Variants in EPB41 observed in about 807,000 individuals in gnomAD.
EPB41 encodes protein 4.1.
EPB41 carries 65 observed loss-of-function variants against 108.0 expected under a neutral mutation model. The ratio of observed to expected loss-of-function variants is 0.60; its 90% CI spans 0.49 to 0.74. The LOEUF (loss-of-function observed/expected upper bound fraction) is 0.74. Ranked by LOEUF, EPB41 falls within the 30% of genes least tolerant of loss-of-function variation. The probability of loss-of-function intolerance (pLI) is 0.00; values close to 1 mark genes in which losing one functional copy is unlikely to be tolerated. For synonymous variants in EPB41, 336 were observed against 358.9 expected, an observed-to-expected ratio of 0.94 and a Z score of 0.72; for missense variants, 875 against 1,037.0, an observed-to-expected ratio of 0.84 and a Z score of 2.15.
chr1:28,964,736 G>C (rs1376476802), intron 1 of EPB41, among the ~76,000 whole-genome samples: 1 of 152,094 alleles, frequency 6.6e-6, no homozygotes, highest in Non-Finnish European at 1.5e-5. Flanking sequence ...CCCTTGCCTG[G>C]TCTCAACCCA....
At chr1:29,011,791 G>A (rs369538300) in intron 4 of EPB41, 74 bp from the exon 5 acceptor site, 4 of 1,513,310 alleles carry the variant, frequency 2.6e-6, no homozygotes, top group Admixed American at 3.6e-5. Context: ...AAGATAGTCA[G>A]TGATCTTGCT....
chr1:29,037,291 A>G (rs1231622152), intron 10 of EPB41, among the ~76,000 whole-genome samples: 5 of 151,756 alleles, frequency 3.3e-5, no homozygotes, highest in Non-Finnish European at 7.4e-5. Flanking sequence ...TACGTTGACC[A>G]GGCTGGTCTC....
chr1:28,937,346 A>C (rs1463173698), intron 1 of EPB41, among the ~76,000 whole-genome samples: 1 of 152,174 alleles, frequency 6.6e-6, no homozygotes, highest in Non-Finnish European at 1.5e-5. Flanking sequence ...CCTGTTGTTT[A>C]GGCTGTATTT....
At chr1:29,017,565 A>G (rs995443931) in intron 6 of EPB41, among the ~76,000 whole-genome samples, 1 of 152,270 alleles carries the variant, frequency 6.6e-6, no homozygotes, top group Non-Finnish European at 1.5e-5. Context: ...TAGTCTTACA[A>G]GGTGGCTAAT....
At chr1:28,891,531 TGAGGAC>T (rs2090116517) in intron 1 of EPB41, among the ~76,000 whole-genome samples, 1 of 152,214 alleles carries the variant, frequency 6.6e-6, no homozygotes, top group Non-Finnish European at 1.5e-5. Flanking sequence ...GTGGCACCCC[TGAGGAC>T]ACACGAGAGT....
intron 17 of EPB41, among the ~76,000 whole-genome samples, chr1:29,106,001 C>T (rs1020608032): frequency 2.0e-5 from 3 of 151,872 alleles, no homozygotes; most frequent in Non-Finnish European, 2.9e-5. Context: ...CCACCTGCCT[C>T]GGCCTCCCAC....
chr1:28,963,344 CGTGTGTGTGTGT>C (rs57558766), intron 1 of EPB41, among the ~76,000 whole-genome samples: 272 of 146,322 alleles, frequency 1.9e-3, no homozygotes, highest in African/African-American at 6.5e-3. Context: ...AAATCAGAAT[CGTGTGTGTGTGT>C]GTGTGTGTGT....
chr1:28,912,653 G>T (rs1477915507), upstream of EPB41, among the ~76,000 whole-genome samples: 2 of 150,582 alleles, frequency 1.3e-5, no homozygotes, highest in African/African-American at 4.9e-5. Flanking sequence ...TCTTGCTCTT[G>T]TCACCCAACC....
intron 16 of EPB41, among the ~76,000 whole-genome samples, chr1:29,067,226 G>A (rs531592300): frequency 5.3e-5 from 8 of 151,372 alleles, no homozygotes; most frequent in South Asian, 4.2e-4. Context: ...GGCCAGGCAC[G>A]GTGGCTCACG....
At chr1:28,898,794 C>T (rs2090983404) in intron 1 of EPB41, among the ~76,000 whole-genome samples, 1 of 152,262 alleles carries the variant, frequency 6.6e-6, no homozygotes, top group Non-Finnish European at 1.5e-5. Context: ...GGGCACTCTC[C>T]CACCCCCTGC....
At chr1:28,899,842 T>G (rs1484756695) in intron 1 of EPB41, among the ~76,000 whole-genome samples, 1 of 152,180 alleles carries the variant, frequency 6.6e-6, no homozygotes. Context: ...GGATTAAAAG[T>G]AGGGATTTGT....
chr1:29,113,896 T>C (rs1162923209), intron 19 of EPB41, among the ~76,000 whole-genome samples: 5 of 152,024 alleles, frequency 3.3e-5, no homozygotes, highest in African/African-American at 1.2e-4. Context: ...AGAAGCAGTG[T>C]GGAGCAGCAG....
At chr1:29,023,457 GCA>G (rs2096673023) in intron 7 of EPB41, among the ~76,000 whole-genome samples, 1 of 151,758 alleles carries the variant, frequency 6.6e-6, no homozygotes, top group Non-Finnish European at 1.5e-5. Context: ...GGGGGCCAAG[GCA>G]GCCAGATCAC....
chr1:28,953,575 C>A (rs375546052), intron 1 of EPB41, among the ~76,000 whole-genome samples: 3 of 152,162 alleles, frequency 2.0e-5, no homozygotes, highest in African/African-American at 4.8e-5. Flanking sequence ...GGGCAAGACC[C>A]GGTCTCTGAA....
At chr1:28,903,787 G>A (rs1268950719) in intron 1 of EPB41, among the ~76,000 whole-genome samples, 1 of 152,148 alleles carries the variant, frequency 6.6e-6, no homozygotes, top group Non-Finnish European at 1.5e-5. Flanking sequence ...GAATTGCCTG[G>A]ACTCGCATAG....
At chr1:28,957,617 C>T (rs2095013766) in intron 1 of EPB41, among the ~76,000 whole-genome samples, 1 of 152,132 alleles carries the variant, frequency 6.6e-6, no homozygotes, top group African/African-American at 2.4e-5. Flanking sequence ...ATTGGTCAGG[C>T]CTGTCCCAAA....
rs144832776 is a variant in EPB41 at position 29,024,203 on chromosome 1, C to T, written c.1124+5761C>T. On this transcript the variant is annotated intron_variant, in intron 7 of 20. Transcript: ENST00000343067. ...TACAAAAATTAGCTGGGCATGGTGG[C>T]GCGCACCTGTAGTCCCAACTACTCT... is the stretch of plus-strand genomic sequence containing the variant. Among the ~76,000 whole-genome samples, 1,111 of 151,758 alleles carry T rather than the reference C, an allele frequency of 7.3e-3. 30 individuals are homozygous for T. The highest frequency in any genetic ancestry group is 0.055 in the East Asian group (282 of 5,170).
chr1:29,015,603 A>G (rs1366260549), intron 5 of EPB41, 89 bp from the exon 6 acceptor site: 8 of 877,286 alleles, frequency 9.1e-6, no homozygotes, highest in Admixed American at 4.5e-5. Context: ...AAGAAAAAGA[A>G]AAAGAGAAAT....
At chr1:28,931,372 TAAAA>T (rs533690754) in intron 1 of EPB41, among the ~76,000 whole-genome samples, 1,161 of 98,876 alleles carry the variant, frequency 0.012, 8 homozygotes, top group Non-Finnish European at 0.019. Flanking sequence ...ACTCTGTCAT[TAAAA>T]AAAAAAAAAA....
Sources: gnomAD v4.1 joint callset for allele counts (sites outside exome capture counted in the v4.1 genomes callset) on GRCh38, gnomAD v4.1.1 for gene constraint, MANE v1.5 for transcripts, NCBI Gene and HGNC (gene_info 2026-07-23, HGNC 2026-07-21) for gene names.